The following CNGB3 variants were observed in gnomAD, a reference collection of about 807,000 sequenced individuals.
CNGB3 encodes cyclic nucleotide gated channel subunit beta 3.
A neutral mutation model predicts 92.8 loss-of-function variants in CNGB3; 86 were observed. The ratio of observed to expected loss-of-function variants is 0.93; its 90% CI spans 0.78 to 1.11. The LOEUF is 1.11. Among genes scored for constraint, CNGB3 ranks in the 50% least tolerant of loss-of-function variants. The pLI is 0.00. For synonymous variants in CNGB3, 333 were observed against 332.7 expected (o/e 1.00, Z -0.01); for missense variants, 1,026 against 956.8 (o/e 1.07, Z -0.95).
At chr8:86,672,244 G>A (rs1402497652) in intron 3 of CNGB3, among the ~76,000 whole-genome samples, 1 of 152,066 alleles carries the variant, frequency 6.6e-6, no homozygotes, top group African/African-American at 2.4e-5. Context: ...GACTACAGGT[G>A]CATGCCACCA....
At chr8:86,635,847 T>G (rs1291781013) in intron 10 of CNGB3, among the ~76,000 whole-genome samples, 4 of 73,398 alleles carry the variant, frequency 5.4e-5, no homozygotes, top group East Asian at 4.0e-4. Flanking sequence ...TATATATATA[T>G]ATATATATAT....
chr8:86,700,160 A>T (rs555454733), intron 3 of CNGB3, among the ~76,000 whole-genome samples: 12 of 152,308 alleles, frequency 7.9e-5, no homozygotes, highest in African/African-American at 2.6e-4. Context: ...ATGAGAAGCA[A>T]TGTTTTTTTT....
intron 11 of CNGB3, 23 bp downstream of exon 11, chr8:86,632,729 C>A (rs750823036): frequency 9.3e-6 from 15 of 1,610,692 alleles, no homozygotes; most frequent in Admixed American, 1.7e-5. Flanking sequence ...CACTGTGTAT[C>A]CAGTGATTCA....
Position 86,579,086 on chromosome 8 carries a change from T to A in CNGB3, c.1928+20A>T, listed in dbSNP as rs776900618. The A allele has an allele frequency of 6.2e-7, 1 of 1,613,984 alleles. No homozygotes were observed. The highest frequency in any genetic ancestry group is 1.3e-5 in the African/African-American group (1 of 74,938). On this transcript the variant is annotated intron_variant, in intron 16 of 17. Transcript: ENST00000320005. The stretch of plus-strand genomic sequence containing the variant: ...TAAAACCAACTCCATCCATCTCTAA[T>A]GGTGTTTTAAAGGTTGTACCTGGCT...
intron 15 of CNGB3, among the ~76,000 whole-genome samples, chr8:86,586,964 G>T (rs996103335): frequency 1.1e-4 from 16 of 143,050 alleles, no homozygotes; most frequent in Admixed American, 2.8e-4. Context: ...CAGTGTAAAA[G>T]TGTTCCTATT....
chr8:86,739,662 G>A lies in CNGB3; in HGVS notation c.204C>T (p.Asn68=). The change falls in exon 2 of 18, where the codon AAC becomes AAT. Residue 68 remains asparagine, a synonymous_variant. Coordinates refer to ENST00000320005, the MANE Select transcript of CNGB3 (RefSeq NM_019098.5). The part of the protein sequence containing the change: ...TPVTSEEPHT[N]IQDKLSKKNS... Reference sequence around the variant, plus strand: ...TTCAGACTGCATTCTGACCTTGTATGTTGGTGTGTGGCTCTTCAGACGTGA... The same window carrying A: ...TTCAGACTGCATTCTGACCTTGTATATTGGTGTGTGGCTCTTCAGACGTGA... 6.4e-7 allele frequency: 1 copy of A among 1,560,910 alleles called. No homozygotes were observed. The highest frequency in any genetic ancestry group is 1.7e-4 in the Middle Eastern group (1 of 5,858).
chr8:86,692,422 A>C (rs1824337471), intron 3 of CNGB3, among the ~76,000 whole-genome samples: 1 of 152,174 alleles, frequency 6.6e-6, no homozygotes, highest in Non-Finnish European at 1.5e-5. Context: ...TTAAGTACAT[A>C]TATATTTAGG....
At chr8:86,669,226 A>T (rs1477789658) in intron 4 of CNGB3, among the ~76,000 whole-genome samples, 2 of 151,786 alleles carry the variant, frequency 1.3e-5, no homozygotes, top group South Asian at 2.1e-4. Context: ...ACAGTTTTTA[A>T]ACTGTCTCAA....
chr8:86,629,094 T>C lies in CNGB3; in HGVS notation c.1321-16A>G, dbSNP rs754142105. The stretch of plus-strand genomic sequence containing the variant: ...CATCTCTCATCTAAAACCACAAATA[T>C]GGTCACTCCACGCCCAGCAGAGGAA... On this transcript the variant is annotated splice_polypyrimidine_tract_variant and intron_variant, in intron 11 of 17. Coordinates refer to ENST00000320005, the MANE Select transcript of CNGB3 (RefSeq NM_019098.5). 11 of 1,613,766 alleles carry C rather than the reference T, an allele frequency of 6.8e-6. No individual in the cohort carries two copies. The highest frequency in any genetic ancestry group is 9.3e-6 in the Non-Finnish European group (11 of 1,179,838).
intron 6 of CNGB3, chr8:86,658,685 C>G: frequency 2.6e-6 from 1 of 384,310 alleles, no homozygotes; most frequent in Non-Finnish European, 4.9e-6. Context: ...CACCCAGCTT[C>G]TCGCTCGGCT....
intron 3 of CNGB3, among the ~76,000 whole-genome samples, chr8:86,688,996 A>T (rs985490806): frequency 1.4e-5 from 2 of 143,560 alleles, no homozygotes; most frequent in Non-Finnish European, 3.0e-5. Context: ...TGTTTCTATT[A>T]TTTGCTTCAA....
intron 3 of CNGB3, among the ~76,000 whole-genome samples, chr8:86,703,510 G>A (rs535667459): frequency 6.6e-6 from 1 of 152,230 alleles, no homozygotes; most frequent in East Asian, 1.9e-4. Flanking sequence ...TATTGTGTGT[G>A]GCTGCATGAT....
intron 2 of CNGB3, among the ~76,000 whole-genome samples, chr8:86,738,305 G>C (rs1156913999): frequency 6.6e-6 from 1 of 152,138 alleles, no homozygotes; most frequent in East Asian, 1.9e-4. Context: ...TACAAAGTCA[G>C]GTGGAGGAAA....
At chr8:86,592,168 C>T (rs528581369) in intron 15 of CNGB3, among the ~76,000 whole-genome samples, 7 of 152,256 alleles carry the variant, frequency 4.6e-5, no homozygotes, top group East Asian at 3.9e-4. Flanking sequence ...TTGCGCTTCC[C>T]GAGTGAGGCA....
chr8:86,730,482 A>T (rs746499121), intron 2 of CNGB3, among the ~76,000 whole-genome samples: 11 of 152,190 alleles, frequency 7.2e-5, no homozygotes, highest in Non-Finnish European at 1.3e-4. Context: ...CATCAAAGAC[A>T]TGTGGGTTCT....
At chr8:86,653,879 A>G (rs1252942917) in intron 7 of CNGB3, 133 bp downstream of exon 7, 2 of 704,062 alleles carry the variant, frequency 2.8e-6, no homozygotes, top group East Asian at 2.6e-5. Context: ...ATTGAGAGGC[A>G]GAAACTTCAG....
rs1057517434 is a variant in CNGB3, at chr8:86,726,647, GGA to G, written c.220_221del (p.Ser74GlnfsTer13). ...EPHTNIQDKL[S>X]KKNSSGDLTT... ...TCAGATCTCCAGAGGAATTTTTCTTGGAGAGTTTGTCTATGAAAAAAAAATTC... is the reference window on the plus strand; with the variant it reads ...TCAGATCTCCAGAGGAATTTTTCTTGGAGTTTGTCTATGAAAAAAAAATTC... On this transcript the variant is annotated frameshift_variant, in exon 3 of 18. Coordinates refer to ENST00000320005, the MANE Select transcript of CNGB3 (RefSeq NM_019098.5). LOFTEE classifies it high-confidence loss of function. 1 of 1,613,548 alleles carries G rather than the reference GGA, an allele frequency of 6.2e-7. No homozygotes were observed.
chr8:86,587,406 C>G (rs1821920798), intron 15 of CNGB3, among the ~76,000 whole-genome samples: 1 of 151,976 alleles, frequency 6.6e-6, no homozygotes, highest in Non-Finnish European at 1.5e-5. Flanking sequence ...ACCTGAAGTC[C>G]TTGCCCATGC....
chr8:86,623,959 C>A (rs1254580555), intron 13 of CNGB3, among the ~76,000 whole-genome samples: 1 of 152,202 alleles, frequency 6.6e-6, no homozygotes, highest in Non-Finnish European at 1.5e-5. Flanking sequence ...ACCATCATCT[C>A]TTCCACAGAT....
Sources: gnomAD v4.1 joint callset for allele counts (sites outside exome capture counted in the v4.1 genomes callset) on GRCh38, gnomAD v4.1.1 for gene constraint, MANE v1.5 for transcripts, NCBI Gene and HGNC (gene_info 2026-07-23, HGNC 2026-07-21) for gene names.